Variants in MYH6 observed in about 807,000 individuals in gnomAD.
MYH6 encodes the protein myosin-6.
A neutral mutation model predicts 223.2 loss-of-function variants in MYH6; 126 were observed. That is an observed-to-expected ratio of 0.56 (90% CI 0.49 to 0.65). The LOEUF (loss-of-function observed/expected upper bound fraction) is 0.65, where lower values mean the gene tolerates loss of function less well. MYH6 is among the 30% of genes least tolerant of loss of function. MYH6 has a pLI of 0.00. For missense variants in MYH6, 2,040 were observed against 2,536.4 expected, an observed-to-expected ratio of 0.80 and a Z score of 4.20; for synonymous variants, 978 against 1,010.2, an observed-to-expected ratio of 0.97 and a Z score of 0.61.
At position 23,397,676 on chromosome 14, in the gene MYH6, G is replaced by A. The variant is rs1891440687; in HGVS notation, c.1892-63C>T. On this transcript the variant is annotated intron_variant, in intron 15 of 38. Coordinates refer to ENST00000405093, the MANE Select transcript of MYH6 (RefSeq NM_002471.4). The stretch of plus-strand genomic sequence containing the variant: ...AAAATAAAGGAGCCCTTGGGCAGAG[G>A]CAGAGCTCTGCTGCTCGCTTGGTAG... 6.6e-6 allele frequency: 10 copies of A among 1,506,598 alleles called. No individual in the cohort carries two copies. The East Asian group carries it at 2.0e-4, about 31-fold the overall frequency. 93.3% of individuals were successfully genotyped at this position (1,506,598 alleles called of 1,614,324 possible).
chr14:23,397,998 T>C (rs1483929295), intron 15 of MYH6, among the ~76,000 whole-genome samples: 1 of 143,958 alleles, frequency 6.9e-6, no homozygotes, highest in African/African-American at 2.7e-5. Flanking sequence ...CTTCTTCTTC[T>C]TCTTCTTCTT....
In MYH6 at chr14:23,382,541, G is replaced by A. The variant is rs1890892222; in HGVS notation, c.5683C>T (p.Leu1895=). The A allele has an allele frequency of 6.2e-7, 1 of 1,614,178 alleles. No individual in the cohort carries two copies. The highest frequency in any genetic ancestry group is 8.5e-7 in the Non-Finnish European group (1 of 1,180,020). ...EEAEEQANTN[L]SKFRKVQHEL... is the part of the protein sequence containing the mutation. ...TGCTGCACCTTGCGGAACTTGGACAGGTTGGTGTTGGCTTGCTCCTCCTGT... is the reference window on the plus strand; with the variant it reads ...TGCTGCACCTTGCGGAACTTGGACAAGTTGGTGTTGGCTTGCTCCTCCTGT... Residue 1895 remains leucine (L), a synonymous_variant, in exon 38 of 39, where the codon CTG becomes TTG. Coordinates refer to ENST00000405093, the MANE Select transcript of MYH6 (RefSeq NM_002471.4).
chr14:23,383,341 G>GGCCCCCCCCCCCCCCCCCCC, intron 36 of MYH6, 21 bp from the exon 37 acceptor site: 1 of 556,582 alleles, frequency 1.8e-6, no homozygotes, highest in Non-Finnish European at 3.3e-6. Flanking sequence ...GAGGGTGGGA[G>GGCCCCCCCCCCCCCCCCCCC]AAGCTGGTTT....
rs1891169159 is a variant in MYH6 at position 23,389,662 on chromosome 14, T to G, written c.3790A>C (p.Lys1264Gln). The change falls in exon 27 of 39, where the codon AAG becomes CAG. Residue 1264 changes from lysine (K) to glutamine (Q), a missense_variant. By Grantham distance (53) the Lys-to-Gln change is moderately conservative. Coordinates refer to ENST00000405093, the MANE Select transcript of MYH6 (RefSeq NM_002471.4). Reference protein sequence around the residue: ...LEDQANEYRVKLEEAQRSLND... With the variant: ...LEDQANEYRVQLEEAQRSLND... ...AGGGAGCGTTGGGCCTCTTCTAGCT[T>G]CACGCGGTACTCATTGGCCTGGTCC... 6.2e-7 allele frequency: 1 copy of G among 1,613,994 alleles called. No individual in the cohort carries two copies. Among genetic ancestry groups the G allele is most frequent in the South Asian group, 1.1e-5 (1 of 91,086 alleles).
rs1337547799 is a variant in MYH6, at chr14:23,393,517, A to G, written c.2930T>C (p.Val977Ala). 1 of 1,613,940 alleles carries G rather than the reference A, an allele frequency of 6.2e-7. No individual in the cohort carries two copies. The highest frequency in any genetic ancestry group is 2.2e-5 in the East Asian group (1 of 44,882). The change falls in exon 23 of 39, where the codon GTG (valine) becomes GCG (alanine). Residue 977 changes from valine to alanine, a missense_variant and splice_region_variant. Physicochemically the swap from Val to Ala is moderately conservative, Grantham distance 64 (BLOSUM62 0). This residue lies in a region of MYH6 where 1,203 missense variants were observed against 1,400.2 expected (regional missense o/e 0.86). Coordinates refer to ENST00000405093, the MANE Select transcript of MYH6 (RefSeq NM_002471.4). Reference sequence around the variant, plus strand: ...AGCCATCTCCTCTGTTAGGTTCTTCACCTGCCGACCAAAAACCCATCCCCT... The same window carrying G: ...AGCCATCTCCTCTGTTAGGTTCTTCGCCTGCCGACCAAAAACCCATCCCCT... ...EKEKHATENK[V>A]KNLTEEMAGL... is the part of the protein sequence containing the mutation.
intron 26 of MYH6, 121 bp downstream of exon 26, chr14:23,389,936 A>G: frequency 6.3e-7 from 1 of 1,591,394 alleles, no homozygotes; most frequent in African/African-American, 1.3e-5. Flanking sequence ...AGACAGGAAG[A>G]GAGACCAAAG....
At chr14:23,395,745 G>C (rs1206688285) in intron 20 of MYH6, among the ~76,000 whole-genome samples, 2 of 152,078 alleles carry the variant, frequency 1.3e-5, no homozygotes, top group African/African-American at 4.8e-5. Context: ...AGCCAGGATG[G>C]TTTTGATCTC....
chr14:23,397,932 C>CTCTTCTTCTTCTTCTTCTTCT lies in MYH6; in HGVS notation c.1892-340_1892-320dup, dbSNP rs55907025. ...AGTTCTCCTCCTCCTCCTCCTCCTCCTCTTCTTCTTCTTCTTCTTCTTCTT... is the reference window on the plus strand; with the variant it reads ...AGTTCTCCTCCTCCTCCTCCTCCTCCTCTTCTTCTTCTTCTTCTTCTTCTTCTTCTTCTTCTTCTTCTTCTT... On this transcript the variant is annotated intron_variant, in intron 15 of 38. Transcript: ENST00000405093. 2.4e-4 allele frequency among the ~76,000 whole-genome samples: 22 copies of CTCTTCTTCTTCTTCTTCTTCT among 90,216 alleles called. 3 individuals are homozygous for CTCTTCTTCTTCTTCTTCTTCT. Among genetic ancestry groups the CTCTTCTTCTTCTTCTTCTTCT allele is most frequent in the East Asian group, 3.8e-4 (1 of 2,630 alleles). 59.2% of individuals were successfully genotyped at this position (90,216 alleles called of 152,430 possible).
chr14:23,383,341 G>GGGCCCCCCCCCCCCCCCC, intron 36 of MYH6, 21 bp from the exon 37 acceptor site: 1 of 556,568 alleles, frequency 1.8e-6, no homozygotes, highest in Admixed American at 2.3e-5. Context: ...GAGGGTGGGA[G>GGGCCCCCCCCCCCCCCCC]AAGCTGGTTT....
rs1891170117 is a variant in MYH6 at position 23,389,677 on chromosome 14, T to C, written c.3775A>G (p.Asn1259Asp). The C allele has an allele frequency of 6.2e-7, 1 of 1,614,124 alleles. No homozygotes were observed. Among genetic ancestry groups the C allele is most frequent in the Admixed American group, 1.7e-5 (1 of 60,012 alleles). ...TCTTCTAGCTTCACGCGGTACTCAT[T>C]GGCCTGGTCCTCCAGCGTCCGAGAC... ...KVSRTLEDQA[N>D]EYRVKLEEAQ... is the part of the protein sequence containing the mutation. Residue 1259 changes from asparagine to aspartate, a missense_variant, in exon 27 of 39, where the codon AAT becomes GAT. Physicochemically the swap from Asn to Asp is conservative, Grantham distance 23 (BLOSUM62 1). This residue lies in a region of MYH6 where 1,203 missense variants were observed against 1,400.2 expected (regional missense o/e 0.86). Coordinates refer to ENST00000405093, the MANE Select transcript of MYH6 (RefSeq NM_002471.4).
Position 23,386,321 on chromosome 14 carries a change from C to A in MYH6, c.4953G>T (p.Leu1651Phe). 6.2e-6 allele frequency: 10 copies of A among 1,614,136 alleles called. No homozygotes were observed. Among genetic ancestry groups the A allele is most frequent in the Non-Finnish European group, 8.5e-6 (10 of 1,180,038 alleles). ...AQKQVKSLQS[L>F]LKDTQIQLDD... Reference sequence around the variant, plus strand: ...ACCTCCCGCCCCCATGTACCTTCAGCAAGCTCTGGAGGCTCTTGACTTGCT... The same window carrying A: ...ACCTCCCGCCCCCATGTACCTTCAGAAAGCTCTGGAGGCTCTTGACTTGCT... Residue 1651 changes from leucine to phenylalanine, a missense_variant, in exon 33 of 39, where the codon TTG (leucine) becomes TTT (phenylalanine). Physicochemically the swap from Leu to Phe is conservative, Grantham distance 22. Around this residue, in one of 4 missense-constraint regions of MYH6, gnomAD observed 1,203 missense variants for 1,400.2 expected, o/e 0.86. Coordinates refer to ENST00000405093, the MANE Select transcript of MYH6 (RefSeq NM_002471.4).
At position 23,400,773 on chromosome 14, in the gene MYH6, T is replaced by A; in HGVS notation, c.1346A>T (p.Glu449Val). Reference protein sequence around the residue: ...WMVTRINATLETKQPRQYFIG... With the variant: ...WMVTRINATLVTKQPRQYFIG... ...GAAGTACTGGCGTGGCTGCTTGGTC[T>A]CCAGGGTGGCGTTGATGCGCGTCAC... The change falls in exon 13 of 39, where the codon GAG (glutamate) becomes GTG (valine). Residue 449 changes from glutamate (E) to valine (V), a missense_variant. Transcript: ENST00000405093. 6.2e-7 allele frequency: 1 copy of A among 1,614,256 alleles called. No homozygotes were observed. Among genetic ancestry groups the A allele is most frequent in the Non-Finnish European group, 8.5e-7 (1 of 1,180,046 alleles).
chr14:23,396,450 G>A (rs369320672), intron 19 of MYH6, 30 bp from the exon 20 acceptor site: 24 of 1,611,672 alleles, frequency 1.5e-5, no homozygotes, highest in East Asian at 2.2e-5. Context: ...GCAACAGGCC[G>A]CAGCCTCAGA....
In MYH6 at chr14:23,390,044, G is replaced by C. The variant is rs369889994; in HGVS notation, c.3732+13C>G. ...GCAGGGGAGAGGGCGAGGGGAGGCC[G>C]AGCAGAGCCTGCCTTGGCCTTGATG... On this transcript the variant is annotated intron_variant, in intron 26 of 38. Transcript: ENST00000405093. 5.0e-6 allele frequency: 8 copies of C among 1,613,428 alleles called. No individual in the cohort carries two copies. The highest frequency in any genetic ancestry group is 6.8e-6 in the Non-Finnish European group (8 of 1,179,830).
chr14:23,400,015 C>T (rs1254420782), intron 14 of MYH6: 4 of 598,086 alleles, frequency 6.7e-6, no homozygotes, highest in East Asian at 3.0e-5. Context: ...TCCTTCACTA[C>T]ATCTCACTCT....
chr14:23,405,308 C>A lies in MYH6; in HGVS notation c.417G>T (p.Val139=), dbSNP rs1434575734. ...TCCTCTTCTTGCCCCGGTAGGCGGC[C>A]ACCACCTCGGCATTGTACACCGGCA... ...KWLPVYNAEV[V]AAYRGKKRSE... is the part of the protein sequence containing the mutation. The change falls in exon 5 of 39, where the codon GTG becomes GTT. Residue 139 remains valine, a synonymous_variant. Coordinates refer to ENST00000405093, the MANE Select transcript of MYH6 (RefSeq NM_002471.4). This position sits in a 1 kb window ranked among gnomAD's most constrained non-coding sequence, Gnocchi z 4.7. 6.2e-7 allele frequency: 1 copy of A among 1,614,018 alleles called. No individual in the cohort carries two copies. The highest frequency in any genetic ancestry group is 8.5e-7 in the Non-Finnish European group (1 of 1,180,008).
In MYH6 at chr14:23,407,579, G is replaced by A. The variant is rs1316789916; in HGVS notation, c.-17C>T. 2.5e-6 allele frequency: 3 copies of A among 1,202,070 alleles called. No homozygotes were observed. Among genetic ancestry groups the A allele is most frequent in the Non-Finnish European group, 3.1e-6 (3 of 955,556 alleles). The allele number at this position is 1,202,070 out of a possible 1,614,324, so 74.5% of individuals were successfully genotyped here. ...AGAAAATGGGGGCAGTTCTCACCTG[G>A]TTATCCCTTCACGGAGAATCCTGAA... On this transcript the variant is annotated 5_prime_UTR_variant, in exon 2 of 39. Coordinates refer to ENST00000405093, the MANE Select transcript of MYH6 (RefSeq NM_002471.4). This position sits in a 1 kb window ranked among gnomAD's most constrained non-coding sequence, Gnocchi z 5.6.
intron 12 of MYH6, 135 bp downstream of exon 12, chr14:23,402,329 C>A (rs1294173865): frequency 8.0e-6 from 11 of 1,382,932 alleles, no homozygotes; most frequent in Non-Finnish European, 1.1e-5. Context: ...CCCACGTCTC[C>A]CACGTCCCTG....
rs1447782770 is a variant in MYH6 at position 23,396,311 on chromosome 14, A to G, written c.2402T>C (p.Ile801Thr). ...QAQARGQLMR[I>T]EFKKIVERRD... ...GCGTTCCACTATCTTCTTGAACTCA[A>G]TGCGCATGAGCTGGCCCCGGGCTTG... Residue 801 changes from isoleucine to threonine, a missense_variant, in exon 20 of 39, where the codon ATT (isoleucine) becomes ACT (threonine). Coordinates refer to ENST00000405093, the MANE Select transcript of MYH6 (RefSeq NM_002471.4). The G allele has an allele frequency of 1.9e-6, 3 of 1,614,152 alleles. No homozygotes were observed. Among genetic ancestry groups the G allele is most frequent in the Admixed American group, 1.7e-5 (1 of 60,032 alleles).
Sources: allele counts gnomAD v4.1 joint callset (sites outside exome capture counted in the v4.1 genomes callset), GRCh38; gene constraint gnomAD v4.1.1; regional missense constraint gnomAD v4.1.1; non-coding constraint Gnocchi (gnomAD v3.1); transcripts MANE v1.5; gene names NCBI Gene and HGNC (gene_info 2026-07-23, HGNC 2026-07-21).